The following CHRM2 variants were observed in gnomAD, a reference collection of about 807,000 sequenced individuals.
CHRM2 encodes muscarinic acetylcholine receptor M2.
In CHRM2, 8 loss-of-function variants were observed where a neutral mutation model predicts 25.0. The observed-to-expected ratio is 0.32, with a 90% CI of 0.19 to 0.58. The LOEUF (loss-of-function observed/expected upper bound fraction) is 0.58. CHRM2 is among the 20% of genes least tolerant of loss of function. CHRM2 has a pLI of 0.88. For synonymous variants in CHRM2, 202 were observed against 205.7 expected (o/e 0.98, Z 0.15); for missense variants, 440 against 567.1 (o/e 0.78, Z 2.28).
At chr7:136,936,071 T>C (rs1332382480) in intron 2 of CHRM2, among the ~76,000 whole-genome samples, 1 of 152,172 alleles carries the variant, frequency 6.6e-6, no homozygotes, top group African/African-American at 2.4e-5. Context: ...TGTTAAAATT[T>C]ATTTTTAAGA....
At chr7:136,970,126 T>A (rs1281096640) in intron 2 of CHRM2, among the ~76,000 whole-genome samples, 1 of 152,122 alleles carries the variant, frequency 6.6e-6, no homozygotes, top group Non-Finnish European at 1.5e-5. Context: ...TCAGATATCA[T>A]CTCTTAGGTG....
rs1393863929 is a variant in CHRM2, at chr7:136,925,966, G to A, written c.-125+56548G>A. Among the ~76,000 whole-genome samples, 3 of 152,282 alleles carry A rather than the reference G, an allele frequency of 2.0e-5. No homozygotes were observed. In the East Asian group the frequency reaches 5.8e-4, roughly 29 times the overall value. On this transcript the variant is annotated intron_variant, in intron 2 of 3. Transcript: ENST00000680005. ...ACTTATAGTCTAGCTAGCCAGGCAT[G>A]GTGGCTCACACCATAATCCCAGAAT...
chr7:137,004,423 A>G (rs1804279815), intron 3 of CHRM2, among the ~76,000 whole-genome samples: 1 of 152,136 alleles, frequency 6.6e-6, no homozygotes, highest in Non-Finnish European at 1.5e-5. Flanking sequence ...TGGTAATTAT[A>G]TCTCAGTCTA....
At position 137,019,483 on chromosome 7, in the gene CHRM2, C is replaced by A. The variant is rs1418963244; in HGVS notation, c.*3217C>A. 1 of 151,770 alleles carries A rather than the reference C, an allele frequency of 6.6e-6. No individual in the cohort carries two copies. The highest frequency in any genetic ancestry group is 1.5e-5 in the Non-Finnish European group (1 of 67,868). 9.4% of individuals were successfully genotyped at this position (151,770 alleles called of 1,614,324 possible). ...GTTTCTACTGGAGCTGCAATTTTTC[C>A]TTTCAAAAAATATTAAGAGCCTCTT... On this transcript the variant is annotated 3_prime_UTR_variant, in exon 4 of 4. Coordinates refer to ENST00000680005, the MANE Select transcript of CHRM2 (RefSeq NM_001006630.2).
intron 2 of CHRM2, among the ~76,000 whole-genome samples, chr7:136,948,609 C>T (rs1297527608): frequency 6.6e-6 from 1 of 152,018 alleles, no homozygotes. Flanking sequence ...TGGGTGACCA[C>T]GGATTTGGCT....
At position 137,020,211 on chromosome 7, in the gene CHRM2, A is replaced by G. The variant is rs1805360294; in HGVS notation, c.*3945A>G. The stretch of plus-strand genomic sequence containing the variant: ...AAATAATAAAATGTACAATAGAAAT[A>G]CATATTTCTGTATGCAAATAAATAT... On this transcript the variant is annotated 3_prime_UTR_variant, in exon 4 of 4. Transcript: ENST00000680005. 2 of 151,706 alleles carry G rather than the reference A, an allele frequency of 1.3e-5. No individual in the cohort carries two copies. The highest frequency in any genetic ancestry group is 4.1e-4 in the South Asian group (2 of 4,834). The allele number at this position is 151,706 out of a possible 1,614,324, so 9.4% of individuals were successfully genotyped here.
At chr7:136,924,558 C>T (rs1236751597) in intron 2 of CHRM2, among the ~76,000 whole-genome samples, 2 of 152,098 alleles carry the variant, frequency 1.3e-5, no homozygotes, top group Non-Finnish European at 2.9e-5. Flanking sequence ...AATACCACCC[C>T]GCTGATACTT....
chr7:136,893,528 G>A (rs1040433603), intron 2 of CHRM2, among the ~76,000 whole-genome samples: 1 of 152,088 alleles, frequency 6.6e-6, no homozygotes, highest in African/African-American at 2.4e-5. Flanking sequence ...CTCCTCACTA[G>A]ATTGCCCTCT....
At chr7:136,886,630 G>A (rs1796475543) in intron 2 of CHRM2, among the ~76,000 whole-genome samples, 1 of 152,138 alleles carries the variant, frequency 6.6e-6, no homozygotes, top group South Asian at 2.1e-4. Flanking sequence ...ACTTTGGGAG[G>A]CCAAGGCAGG....
chr7:136,908,922 T>C (rs550082832), intron 2 of CHRM2, among the ~76,000 whole-genome samples: 3 of 151,940 alleles, frequency 2.0e-5, no homozygotes, highest in African/African-American at 7.2e-5. Context: ...CGCACAGAAT[T>C]TGAAATGCCT....
chr7:136,969,806 T>A (rs900331984), intron 2 of CHRM2, among the ~76,000 whole-genome samples: 5 of 152,214 alleles, frequency 3.3e-5, no homozygotes, highest in African/African-American at 1.2e-4. Flanking sequence ...AAACCAATAT[T>A]TCCCACTGGC....
At position 137,016,717 on chromosome 7, in the gene CHRM2, T is replaced by C. The variant is rs1410700295; in HGVS notation, c.*451T>C. 1 of 175,714 alleles carries C rather than the reference T, an allele frequency of 5.7e-6. No individual in the cohort carries two copies. The highest frequency in any genetic ancestry group is 6.1e-5 in the Admixed American group (1 of 16,450). 10.9% of individuals were successfully genotyped at this position (175,714 alleles called of 1,614,324 possible). A position where few individuals can be genotyped will look rare whatever the true frequency, so the allele number is the denominator to read the frequency against. On this transcript the variant is annotated 3_prime_UTR_variant, in exon 4 of 4. Coordinates refer to ENST00000680005, the MANE Select transcript of CHRM2 (RefSeq NM_001006630.2). ...ACATAAAGAAATAGGCACTATACAA[T>C]GGGGACATAAAAAAAGAAAATCAAA...
intron 2 of CHRM2, among the ~76,000 whole-genome samples, chr7:136,886,467 T>C (rs545377476): frequency 7.2e-5 from 11 of 152,322 alleles, no homozygotes; most frequent in Non-Finnish European, 1.3e-4. Flanking sequence ...CTAGTGTACT[T>C]CAAAGTGTAA....
intron 2 of CHRM2, among the ~76,000 whole-genome samples, chr7:136,977,403 T>C (rs1488313145): frequency 1.3e-5 from 2 of 152,194 alleles, no homozygotes; most frequent in Non-Finnish European, 2.9e-5. Flanking sequence ...TTTTTTCTTT[T>C]TTCTTTTCCC....
chr7:136,925,525 T>C (rs1396444977), intron 2 of CHRM2, among the ~76,000 whole-genome samples: 5 of 148,456 alleles, frequency 3.4e-5, no homozygotes, highest in African/African-American at 7.3e-5. Context: ...AAGAACAATG[T>C]AAAACTATAA....
At chr7:136,976,118 C>T (rs1241298764) in intron 2 of CHRM2, among the ~76,000 whole-genome samples, 2 of 151,946 alleles carry the variant, frequency 1.3e-5, no homozygotes, top group Non-Finnish European at 2.9e-5. Flanking sequence ...AAAAATGAGC[C>T]ATGTATACAA....
intron 2 of CHRM2, among the ~76,000 whole-genome samples, chr7:136,990,435 C>T (rs1353779428): frequency 1.3e-5 from 2 of 152,082 alleles, no homozygotes; most frequent in Admixed American, 6.6e-5. Context: ...ACAGTTTTTG[C>T]CTTTTCCAGG....
At chr7:136,957,436 GAAATGT>G (rs1422000611) in intron 2 of CHRM2, among the ~76,000 whole-genome samples, 1 of 152,164 alleles carries the variant, frequency 6.6e-6, no homozygotes, top group African/African-American at 2.4e-5. Flanking sequence ...AAATAAACTG[GAAATGT>G]TAAACAAGCT....
At position 137,019,709 on chromosome 7, in the gene CHRM2, A is replaced by G. The variant is rs1049876951; in HGVS notation, c.*3443A>G. Reference sequence around the variant, plus strand: ...CTTTTACCAGTTCATCATTAATTTAACGCCAGCTCCCAAGTATTAGGGCAG... The same window carrying G: ...CTTTTACCAGTTCATCATTAATTTAGCGCCAGCTCCCAAGTATTAGGGCAG... On this transcript the variant is annotated 3_prime_UTR_variant, in exon 4 of 4. Coordinates refer to ENST00000680005, the MANE Select transcript of CHRM2 (RefSeq NM_001006630.2). 1.3e-5 allele frequency: 2 copies of G among 151,876 alleles called. No homozygotes were observed. The highest frequency in any genetic ancestry group is 4.8e-5 in the African/African-American group (2 of 41,396). 9.4% of individuals were successfully genotyped at this position (151,876 alleles called of 1,614,324 possible).
Sources: allele counts gnomAD v4.1 joint callset (sites outside exome capture counted in the v4.1 genomes callset), GRCh38; gene constraint gnomAD v4.1.1; transcripts MANE v1.5; gene names NCBI Gene and HGNC (gene_info 2026-07-23, HGNC 2026-07-21).